Variants in KLRD1 observed in about 807,000 individuals in gnomAD.
KLRD1 encodes killer cell lectin like receptor D1, also known as natural killer cells antigen CD94.
KLRD1 carries 21 observed loss-of-function variants against 22.6 expected under a neutral mutation model. That is an observed-to-expected ratio of 0.93 (90% CI 0.66 to 1.34). KLRD1 has a LOEUF of 1.34. KLRD1 is among the 40% of genes most tolerant of loss of function. KLRD1 has a pLI of 0.00. For synonymous variants in KLRD1, 59 were observed against 71.1 expected (o/e 0.83, Z 0.85); for missense variants, 183 against 208.6 (o/e 0.88, Z 0.76).
rs146115718 is a variant in KLRD1 at position 10,317,557 on chromosome 12, C to G, written c.*2764C>G. 2.4e-4 allele frequency: 36 copies of G among 152,314 alleles called. 1 individual carries two copies. The East Asian group carries it at 7.0e-3, about 29-fold the overall frequency. 9.4% of individuals were successfully genotyped at this position (152,314 alleles called of 1,614,324 possible). On this transcript the variant is annotated 3_prime_UTR_variant, in exon 6 of 6. Coordinates refer to ENST00000336164, the MANE Select transcript of KLRD1 (RefSeq NM_002262.5). ...TAAAATCCTAAGCAAGCCTTTGTTT[C>G]TTTGCAGTCAGCTTTTCTTCTGCTG...
At chr12:10,278,981 G>T (rs1949616449) in intron 1 of KLRD1, among the ~76,000 whole-genome samples, 2 of 140,978 alleles carry the variant, frequency 1.4e-5, no homozygotes, top group East Asian at 2.1e-4. Context: ...AAACATGTTA[G>T]CATCAGTTTT....
rs368087177 is a variant in KLRD1 at position 10,244,802 on chromosome 12, CAAAA to C, written c.-101+18576_-101+18579del. Among the ~76,000 whole-genome samples, 309 of 63,078 alleles carry C rather than the reference CAAAA, an allele frequency of 4.9e-3. 3 individuals are homozygous for C. Among genetic ancestry groups the C allele is most frequent in the African/African-American group, 0.013 (295 of 22,708 alleles). The allele number at this position is 63,078 out of a possible 152,430, so 41.4% of individuals were successfully genotyped here. A position where few individuals can be genotyped will look rare whatever the true frequency, so the allele number is the denominator to read the frequency against. On this transcript the variant is annotated intron_variant, in intron 1 of 5. Coordinates refer to the KLRD1 transcript ENST00000544747. ...CCGTCTCAAAAACAAAACAAACAAA[CAAAA>C]AAAAAACCAAAACAAACAAAAAAAC...
chr12:10,324,818 G>GTGTGTGTATATATATATATATATATA lies in KLRD1; in HGVS notation c.*10026_*10027insGTGTGTATATATATATATATATATAT, dbSNP rs750696767. 1.2e-4 allele frequency: 9 copies of GTGTGTGTATATATATATATATATATA among 74,142 alleles called. No homozygotes were observed. Among genetic ancestry groups the GTGTGTGTATATATATATATATATATA allele is most frequent in the Admixed American group, 4.2e-4 (2 of 4,738 alleles). The allele number at this position is 74,142 out of a possible 1,614,324, so 4.6% of individuals were successfully genotyped here. The stretch of plus-strand genomic sequence containing the variant: ...AGTATATATGTATATGTGTGTGTGT[G>GTGTGTGTATATATATATATATATATA]TATATATATATATATATATATATAT... On this transcript the variant is annotated 3_prime_UTR_variant, in exon 6 of 6. Coordinates refer to ENST00000336164, the MANE Select transcript of KLRD1 (RefSeq NM_002262.5).
intron 1 of KLRD1, among the ~76,000 whole-genome samples, chr12:10,262,519 G>A (rs1326521529): frequency 6.6e-6 from 1 of 152,036 alleles, no homozygotes; most frequent in Admixed American, 6.5e-5. Context: ...TATTTACAAA[G>A]TGAATATTTA....
intron 1 of KLRD1, among the ~76,000 whole-genome samples, chr12:10,265,005 A>G (rs77409361): frequency 0.066 from 10,081 of 152,108 alleles, 399 homozygotes; most frequent in East Asian, 0.17. Context: ...AAGTTCATCC[A>G]TGTTTTCAAA....
intron 1 of KLRD1, among the ~76,000 whole-genome samples, chr12:10,295,890 A>G (rs1441915312): frequency 6.6e-6 from 1 of 152,188 alleles, no homozygotes; most frequent in Non-Finnish European, 1.5e-5. Context: ...AGAGATAAGC[A>G]ATCATAATTC....
upstream of KLRD1, among the ~76,000 whole-genome samples, chr12:10,300,889 T>C (rs530315461): frequency 6.6e-6 from 1 of 152,384 alleles, no homozygotes; most frequent in South Asian, 2.1e-4. Context: ...AAACAACCTC[T>C]TTCCTTAAAC....
intron 1 of KLRD1, 158 bp from the exon 2 acceptor site, chr12:10,309,230 G>A (rs1304040356): frequency 1.8e-6 from 1 of 544,362 alleles, no homozygotes; most frequent in Non-Finnish European, 3.3e-6. Flanking sequence ...GGTATTGGGT[G>A]AAGTCCCGAT....
chr12:10,324,818 G>GTGTGTGTGTGTGTGTGTGTATA lies in KLRD1; in HGVS notation c.*10026_*10027insGTGTGTGTGTGTGTGTGTATAT, dbSNP rs750696767. 2.7e-5 allele frequency: 2 copies of GTGTGTGTGTGTGTGTGTGTATA among 74,144 alleles called. No homozygotes were observed. The highest frequency in any genetic ancestry group is 4.2e-4 in the Admixed American group (2 of 4,738). The allele number at this position is 74,144 out of a possible 1,614,324, so 4.6% of individuals were successfully genotyped here. ...AGTATATATGTATATGTGTGTGTGT[G>GTGTGTGTGTGTGTGTGTGTATA]TATATATATATATATATATATATAT... On this transcript the variant is annotated 3_prime_UTR_variant, in exon 6 of 6. Transcript: ENST00000336164.
chr12:10,307,016 A>G (rs141461812), upstream of KLRD1, among the ~76,000 whole-genome samples: 1 of 152,308 alleles, frequency 6.6e-6, no homozygotes, highest in East Asian at 1.9e-4. Context: ...GGTAGATTGT[A>G]TTTCCAGATA....
intron 5 of KLRD1, among the ~76,000 whole-genome samples, chr12:10,314,299 T>C (rs1220300582): frequency 6.6e-6 from 1 of 152,218 alleles, no homozygotes; most frequent in Non-Finnish European, 1.5e-5. Flanking sequence ...TCATTTTCAT[T>C]TATAAACATG....
intron 1 of KLRD1, among the ~76,000 whole-genome samples, chr12:10,272,712 A>T (rs1053109041): frequency 1.1e-4 from 16 of 152,328 alleles, no homozygotes; most frequent in African/African-American, 3.4e-4. Context: ...ATCAGAGAGG[A>T]TGTTTACAGT....
At chr12:10,312,973 C>A (rs886896927) in intron 4 of KLRD1, among the ~76,000 whole-genome samples, 24 of 151,076 alleles carry the variant, frequency 1.6e-4, no homozygotes, top group Non-Finnish European at 3.1e-4. Context: ...GGCGACAGAG[C>A]AAGACTCCCT....
chr12:10,266,865 C>CTTTTTTTTTTTTTTTT lies in KLRD1; in HGVS notation c.-101+40640_-101+40641insTTTTTTTTTTTTTTTT, dbSNP rs148285255. ...TGTGAAATCACTTACAGCCTTATTT[C>CTTTTTTTTTTTTTTTT]TTTTTTTTGTTTTTGAGTTACATAA... On this transcript the variant is annotated intron_variant, in intron 1 of 5. Transcript: ENST00000544747. 1.4e-5 allele frequency among the ~76,000 whole-genome samples: 2 copies of CTTTTTTTTTTTTTTTT among 142,530 alleles called. 1 individual carries two copies. Among genetic ancestry groups the CTTTTTTTTTTTTTTTT allele is most frequent in the Non-Finnish European group, 3.0e-5 (2 of 65,782 alleles). 93.5% of individuals were successfully genotyped at this position (142,530 alleles called of 152,430 possible).
intron 1 of KLRD1, among the ~76,000 whole-genome samples, chr12:10,266,180 T>G (rs17808267): frequency 0.16 from 24,584 of 152,190 alleles, 2,635 homozygotes; most frequent in Non-Finnish European, 0.24. Flanking sequence ...TTAGGTAAAT[T>G]TATACATGTG....
intron 1 of KLRD1, among the ~76,000 whole-genome samples, chr12:10,254,658 G>T (rs1462752871): frequency 6.6e-6 from 1 of 152,050 alleles, no homozygotes; most frequent in African/African-American, 2.4e-5. Context: ...AGAGACTGAG[G>T]CTGGTGGATC....
intron 1 of KLRD1, among the ~76,000 whole-genome samples, chr12:10,259,235 G>A (rs1949426481): frequency 6.6e-6 from 1 of 152,004 alleles, no homozygotes; most frequent in Non-Finnish European, 1.5e-5. Context: ...CTTCTTATTG[G>A]CTTAATTAAA....
rs142602118 is a variant in KLRD1 at position 10,254,961 on chromosome 12, G to A, written c.-101+28728G>A. 3.9e-3 allele frequency among the ~76,000 whole-genome samples: 579 copies of A among 147,956 alleles called. 45 individuals are homozygous for A. Among genetic ancestry groups the A allele is most frequent in the African/African-American group, 0.014 (549 of 40,136 alleles). On this transcript the variant is annotated intron_variant, in intron 1 of 5. Transcript: ENST00000544747. ...CATGAACAGGCACTTCTCAAAAGAA[G>A]ACATACTTGTGGCCTACAAGCACAT...
At chr12:10,273,842 G>C (rs552967771) in intron 1 of KLRD1, among the ~76,000 whole-genome samples, 1 of 152,206 alleles carries the variant, frequency 6.6e-6, no homozygotes, top group Non-Finnish European at 1.5e-5. Context: ...TGGGTGGAGT[G>C]GGGGAGAGAT....
Sources: gnomAD v4.1 joint callset for allele counts (sites outside exome capture counted in the v4.1 genomes callset) on GRCh38, gnomAD v4.1.1 for gene constraint, MANE v1.5 for transcripts, NCBI Gene and HGNC (gene_info 2026-07-23, HGNC 2026-07-21) for gene names.